Variants in POLR1H observed in about 807,000 individuals in gnomAD.
POLR1H encodes the protein DNA-directed RNA polymerase I subunit RPA12.
Under a neutral mutation model 15.8 loss-of-function variants are expected in POLR1H, and 5 were observed. The ratio of observed to expected loss-of-function variants is 0.32; its 90% CI spans 0.17 to 0.67. The LOEUF (loss-of-function observed/expected upper bound fraction) is 0.67, where lower values mean the gene tolerates loss of function less well. POLR1H is among the 30% of genes least tolerant of loss of function. POLR1H has a pLI of 0.74. For synonymous variants in POLR1H, 43 were observed against 58.3 expected, an observed-to-expected ratio of 0.74 and a Z score of 1.20; for missense variants, 100 against 163.4, an observed-to-expected ratio of 0.61 and a Z score of 2.11.
chr6:30,062,389 G>A, intron 3 of POLR1H, 56 bp downstream of exon 3: 9 of 1,259,432 alleles, frequency 7.1e-6, no homozygotes, highest in Non-Finnish European at 1.0e-5. Context: ...AACAAATCCA[G>A]TGATTTATTT....
rs931169153 is a variant in POLR1H, at chr6:30,062,344, T to C, written c.356+11T>C. On this transcript the variant is annotated intron_variant, in intron 3 of 3. Coordinates refer to ENST00000332435, the MANE Select transcript of POLR1H (RefSeq NM_170783.4). ...CTGTACCAACTGCAAGTGAGTATTC[T>C]TTCCCCTCCCTCTGCTCAGTCTGTT... 2 of 1,549,016 alleles carry C rather than the reference T, an allele frequency of 1.3e-6. No homozygotes were observed. Among genetic ancestry groups the C allele is most frequent in the Admixed American group, 3.3e-5 (2 of 59,952 alleles).
rs1457431609 is a variant in POLR1H at position 30,061,534 on chromosome 6, A to G, written c.10A>G (p.Met4Val). 6.2e-7 allele frequency: 1 copy of G among 1,613,104 alleles called. No individual in the cohort carries two copies. The highest frequency in any genetic ancestry group is 1.7e-5 in the Admixed American group (1 of 60,024). The change falls in exon 1 of 4, where the codon ATG (methionine) becomes GTG (valine). Residue 4 changes from methionine to valine, a missense_variant. Transcript: ENST00000332435. The surrounding 1 kb of genome is among the most constrained non-coding windows in gnomAD (Gnocchi z 5.0). MSV[M>V]DLANTCSSFQ... ...CCTCAGACCCGACCGCATGTCTGTC[A>G]TGGACCTCGCCAATACTTGCTCCAG...
chr6:30,062,051 G>C, intron 2 of POLR1H, 34 bp downstream of exon 2: 1 of 1,592,372 alleles, frequency 6.3e-7, no homozygotes, highest in Non-Finnish European at 8.6e-7. Flanking sequence ...GGCTCCATAA[G>C]GTGGGTAGGA....
chr6:30,060,751 G>A (rs1424964548), upstream of POLR1H: 2 of 152,150 alleles, frequency 1.3e-5, no homozygotes, highest in Non-Finnish European at 2.9e-5. Flanking sequence ...CCCTTTCCAA[G>A]CGCAGTGAAC....
chr6:30,064,147 T>C (rs1361909543), intron 3 of POLR1H, among the ~76,000 whole-genome samples: 1 of 152,222 alleles, frequency 6.6e-6, no homozygotes, highest in Admixed American at 6.5e-5. Context: ...TTAACTTCCC[T>C]GTCTGGATTT....
Position 30,061,855 on chromosome 6 carries a change from G to A in POLR1H, c.146-62G>A. The A allele has an allele frequency of 6.3e-7, 1 of 1,583,900 alleles. No homozygotes were observed. The highest frequency in any genetic ancestry group is 8.7e-7 in the Non-Finnish European group (1 of 1,155,214). ...TGGCCTAACCAGCCAGGGGAAAGGGGAGGTTTCCGGTGTCAGCTCTCTCTG... is the reference window on the plus strand; with the variant it reads ...TGGCCTAACCAGCCAGGGGAAAGGGAAGGTTTCCGGTGTCAGCTCTCTCTG... On this transcript the variant is annotated intron_variant, in intron 1 of 3. Transcript: ENST00000332435. The surrounding 1 kb of genome is among the most constrained non-coding windows in gnomAD (Gnocchi z 5.0).
upstream of POLR1H, chr6:30,061,215 G>C: frequency 3.1e-6 from 1 of 319,308 alleles, no homozygotes. This position sits in a 1 kb window ranked among gnomAD's most constrained non-coding sequence, Gnocchi z 5.0. Context: ...TCGTCAACGC[G>C]AAAGCCTGAC....
intron 3 of POLR1H, 22 bp downstream of exon 3, chr6:30,062,355 T>A (rs1765153118): frequency 6.7e-7 from 1 of 1,496,496 alleles, no homozygotes; most frequent in South Asian, 1.1e-5. Context: ...TTCCCCTCCC[T>A]CTGCTCAGTC....
In POLR1H at chr6:30,061,628, C is replaced by G. The variant is rs561192206; in HGVS notation, c.104C>G (p.Thr35Arg). The change falls in exon 1 of 4, where the codon ACG (threonine) becomes AGG (arginine). Residue 35 changes from threonine to arginine, a missense_variant. By Grantham distance (71) the Thr-to-Arg change is moderately conservative. Coordinates refer to ENST00000332435, the MANE Select transcript of POLR1H (RefSeq NM_170783.4). The surrounding 1 kb of genome is among the most constrained non-coding windows in gnomAD (Gnocchi z 5.0). Reference sequence around the variant, plus strand: ...CTGCCTCTGCCCGGGGCTCAGGATACGGTCACCTGTATTCGCTGTGGCTTC... The same window carrying G: ...CTGCCTCTGCCCGGGGCTCAGGATAGGGTCACCTGTATTCGCTGTGGCTTC... ...SVLPLPGAQD[T>R]VTCIRCGFNI... is the part of the protein sequence containing the mutation. 6.2e-7 allele frequency: 1 copy of G among 1,613,064 alleles called. No homozygotes were observed. Among genetic ancestry groups the G allele is most frequent in the East Asian group, 2.2e-5 (1 of 44,882 alleles).
chr6:30,062,730 T>A (rs962378845), intron 3 of POLR1H, among the ~76,000 whole-genome samples: 9 of 118,290 alleles, frequency 7.6e-5, no homozygotes, highest in South Asian at 2.8e-4. Context: ...TTTTTTTTTT[T>A]TTTTTTTTTT....
Position 30,061,981 on chromosome 6 carries a change from GT to G in POLR1H, c.211del (p.Ser71ArgfsTer118). 1 of 1,613,148 alleles carries G rather than the reference GT, an allele frequency of 6.2e-7. No individual in the cohort carries two copies. The highest frequency in any genetic ancestry group is 1.1e-5 in the South Asian group (1 of 91,082). On this transcript the variant is annotated frameshift_variant, in exon 2 of 4. Transcript: ENST00000332435. LOFTEE classifies it high-confidence loss of function. This position sits in a 1 kb window ranked among gnomAD's most constrained non-coding sequence, Gnocchi z 5.0. ...ACCAACTGGGGACAGCCATGCCTAT[GT>G]CGGTGGAGGAAGGGCCTGAGTGCCA... is the stretch of plus-strand genomic sequence containing the variant. ...FHQLGTAMPMSVEEGPECQGP... is the reference protein window; with the variant it reads ...FHQLGTAMPMXVEEGPECQGP...
chr6:30,062,148 G>C, intron 2 of POLR1H, 76 bp from the exon 3 acceptor site: 1 of 1,449,634 alleles, frequency 6.9e-7, no homozygotes, highest in Non-Finnish European at 9.7e-7. Context: ...CGACGTTTGA[G>C]AGGCGTGATC....
chr6:30,061,790 G>T lies in POLR1H; in HGVS notation c.145+121G>T, dbSNP rs1012892944. 5 of 1,559,478 alleles carry T rather than the reference G, an allele frequency of 3.2e-6. No homozygotes were observed. The highest frequency in any genetic ancestry group is 2.7e-5 in the African/African-American group (2 of 73,630). On this transcript the variant is annotated intron_variant, in intron 1 of 3. Coordinates refer to ENST00000332435, the MANE Select transcript of POLR1H (RefSeq NM_170783.4). The surrounding 1 kb of genome is among the most constrained non-coding windows in gnomAD (Gnocchi z 5.0). ...AGGACATCAGGCGGTTGTACATTTG[G>T]TCTAGCGATGAAAACTGAGGGAAAG...
In POLR1H at chr6:30,064,730, T is replaced by C. The variant is rs201329357; in HGVS notation, c.*33T>C. Reference sequence around the variant, plus strand: ...CCTGGGCAACTCTACAGTCCCTCCCTCCTTTCGGAAGGTGAAGGATACTGG... The same window carrying C: ...CCTGGGCAACTCTACAGTCCCTCCCCCCTTTCGGAAGGTGAAGGATACTGG... On this transcript the variant is annotated 3_prime_UTR_variant, in exon 4 of 4. Coordinates refer to ENST00000332435, the MANE Select transcript of POLR1H (RefSeq NM_170783.4). 70 of 1,602,038 alleles carry C rather than the reference T, an allele frequency of 4.4e-5. No individual in the cohort carries two copies. Among genetic ancestry groups the C allele is most frequent in the Non-Finnish European group, 5.7e-5 (67 of 1,174,476 alleles).
chr6:30,062,716 T>C, intron 3 of POLR1H, among the ~76,000 whole-genome samples: 1 of 25,950 alleles, frequency 3.9e-5, no homozygotes, highest in African/African-American at 8.1e-5. Context: ...ACGCCTGGCT[T>C]TTTTTTTTTT....
upstream of POLR1H, chr6:30,060,689 T>C (rs1026668817): frequency 6.6e-6 from 1 of 152,284 alleles, no homozygotes; most frequent in Non-Finnish European, 1.5e-5. Flanking sequence ...GGACTAAGCA[T>C]TCCTCGGGCC....
upstream of POLR1H, chr6:30,060,088 A>C (rs919882281): frequency 3.9e-5 from 6 of 152,252 alleles, no homozygotes; most frequent in Non-Finnish European, 8.8e-5. Flanking sequence ...GTTAAATGAT[A>C]GGGCTTGTCA....
rs1178165503 is a variant in POLR1H, at chr6:30,061,907, G to A, written c.146-10G>A. On this transcript the variant is annotated splice_polypyrimidine_tract_variant and intron_variant, in intron 1 of 3. Coordinates refer to ENST00000332435, the MANE Select transcript of POLR1H (RefSeq NM_170783.4). This position sits in a 1 kb window ranked among gnomAD's most constrained non-coding sequence, Gnocchi z 5.0. ...TTGTCTCCATAACCAGTTCTTACTTGCCTGTGCAGACTTTGAGGGGAAGGT... is the reference window on the plus strand; with the variant it reads ...TTGTCTCCATAACCAGTTCTTACTTACCTGTGCAGACTTTGAGGGGAAGGT... 6.2e-7 allele frequency: 1 copy of A among 1,612,872 alleles called. No individual in the cohort carries two copies. Among genetic ancestry groups the A allele is most frequent in the East Asian group, 2.2e-5 (1 of 44,884 alleles).
At chr6:30,062,609 G>A (rs1021790012) in intron 3 of POLR1H, among the ~76,000 whole-genome samples, 2 of 133,668 alleles carry the variant, frequency 1.5e-5, no homozygotes, top group African/African-American at 5.8e-5. Context: ...GGAGTGCAGC[G>A]AGGCAATCTT....
Sources: allele counts gnomAD v4.1 joint callset (sites outside exome capture counted in the v4.1 genomes callset), GRCh38; gene constraint gnomAD v4.1.1; non-coding constraint Gnocchi (gnomAD v3.1); transcripts MANE v1.5; gene names NCBI Gene and HGNC (gene_info 2026-07-23, HGNC 2026-07-21).